The following GUCY1A1 variants were observed in gnomAD, a reference collection of about 807,000 sequenced individuals.
GUCY1A1 encodes guanylate cyclase 1 soluble subunit alpha 1, also known as guanylate cyclase soluble subunit alpha-1.
Under a neutral mutation model 64.5 loss-of-function variants are expected in GUCY1A1, and 48 were observed. The observed-to-expected ratio is 0.74, with a 90% CI of 0.59 to 0.95. The LOEUF is 0.95. Among genes scored for constraint, GUCY1A1 ranks in the 40% least tolerant of loss-of-function variants. The probability of loss-of-function intolerance (pLI) is 0.00; values close to 1 mark genes in which losing one functional copy is unlikely to be tolerated. For missense variants in GUCY1A1, 804 were observed against 825.3 expected (o/e 0.97, Z 0.32); for synonymous variants, 308 against 303.4 (o/e 1.02, Z -0.16).
Position 155,697,032 on chromosome 4 carries a change from A to G in GUCY1A1, c.165A>G (p.Ile55Met), listed in dbSNP as rs751413381. ...PICQDIPEKN[I>M]QESLPQRKTS... ...GTCAAGACATTCCTGAGAAGAACAT[A>G]CAAGAAAGTCTTCCTCAAAGAAAAA... is the stretch of plus-strand genomic sequence containing the variant. The change falls in exon 3 of 10, where the codon ATA becomes ATG. Residue 55 changes from isoleucine to methionine, a missense_variant. Physicochemically the swap from Ile to Met is conservative, Grantham distance 10. Transcript: ENST00000506455. The G allele has an allele frequency of 3.7e-6, 6 of 1,612,596 alleles. No individual in the cohort carries two copies. Among genetic ancestry groups the G allele is most frequent in the Non-Finnish European group, 5.1e-6 (6 of 1,178,596 alleles).
chr4:155,730,282 T>A lies in GUCY1A1; in HGVS notation c.*51T>A. The A allele has an allele frequency of 8.3e-7, 1 of 1,197,992 alleles. No individual in the cohort carries two copies. The highest frequency in any genetic ancestry group is 1.2e-6 in the Non-Finnish European group (1 of 809,596). 74.2% of individuals were successfully genotyped at this position (1,197,992 alleles called of 1,614,324 possible). A position where few individuals can be genotyped will look rare whatever the true frequency, so the allele number is the denominator to read the frequency against. The stretch of plus-strand genomic sequence containing the variant: ...TTTGGGGTTTGACTCATTGAAGATG[T>A]GTAGAGCCTCTGAAAGCACTTTAGG... On this transcript the variant is annotated 3_prime_UTR_variant, in exon 10 of 10. Coordinates refer to ENST00000506455, the MANE Select transcript of GUCY1A1 (RefSeq NM_001130682.3).
At chr4:155,681,537 C>T (rs1735772730) in intron 2 of GUCY1A1, among the ~76,000 whole-genome samples, 2 of 152,250 alleles carry the variant, frequency 1.3e-5, no homozygotes, top group East Asian at 1.9e-4. Context: ...AAGCCATAAA[C>T]ATCTTTCTAA....
intron 9 of GUCY1A1, among the ~76,000 whole-genome samples, chr4:155,723,349 C>T (rs966378955): frequency 6.6e-6 from 1 of 152,124 alleles, no homozygotes; most frequent in Non-Finnish European, 1.5e-5. Flanking sequence ...ATCAGAAGAA[C>T]CTTTATTTTC....
At chr4:155,694,958 T>C (rs1476338712) in intron 2 of GUCY1A1, among the ~76,000 whole-genome samples, 2 of 152,228 alleles carry the variant, frequency 1.3e-5, no homozygotes, top group African/African-American at 4.8e-5. Flanking sequence ...CCTATAGCCA[T>C]ATTACCTTTG....
At chr4:155,721,219 G>A (rs1733917959) in intron 8 of GUCY1A1, among the ~76,000 whole-genome samples, 2 of 151,876 alleles carry the variant, frequency 1.3e-5, no homozygotes, top group South Asian at 4.1e-4. Flanking sequence ...AACTATGATG[G>A]TACCGCTGCA....
chr4:155,730,376 A>G lies in GUCY1A1; in HGVS notation c.*145A>G. The stretch of plus-strand genomic sequence containing the variant: ...AGTCACAATCTTTCTCCTGTTTAAC[A>G]TGACAAAATGTATGTACTCACTTCA... On this transcript the variant is annotated 3_prime_UTR_variant, in exon 10 of 10. Transcript: ENST00000506455. The G allele has an allele frequency of 2.1e-6, 1 of 477,656 alleles. No homozygotes were observed. Among genetic ancestry groups the G allele is most frequent in the East Asian group, 3.0e-5 (1 of 33,710 alleles). 29.6% of individuals were successfully genotyped at this position (477,656 alleles called of 1,614,324 possible). A position where few individuals can be genotyped will look rare whatever the true frequency, so the allele number is the denominator to read the frequency against.
At chr4:155,706,957 A>G (rs1028340229) in intron 4 of GUCY1A1, among the ~76,000 whole-genome samples, 5 of 152,266 alleles carry the variant, frequency 3.3e-5, no homozygotes, top group Non-Finnish European at 5.9e-5. Context: ...TCTATGCTGT[A>G]AAACAAGTGC....
chr4:155,720,948 C>T (rs1007307142), intron 8 of GUCY1A1, among the ~76,000 whole-genome samples: 1 of 152,022 alleles, frequency 6.6e-6, no homozygotes, highest in Non-Finnish European at 1.5e-5. Context: ...AGTAATCAGA[C>T]CTTTGAAGAT....
At chr4:155,727,636 T>A (rs1333821331) in intron 9 of GUCY1A1, among the ~76,000 whole-genome samples, 1 of 151,764 alleles carries the variant, frequency 6.6e-6, no homozygotes, top group African/African-American at 2.4e-5. Flanking sequence ...TAGACTCTTA[T>A]AGTTGCATAC....
rs1465897046 is a variant in GUCY1A1 at position 155,735,214 on chromosome 4, T to C, written c.*4983T>C. ...AACCTACACATTTTTCATCCAAAGC[T>C]ATCCCATTACCTTATTTATGTCCAT... On this transcript the variant is annotated 3_prime_UTR_variant, in exon 10 of 10. Transcript: ENST00000506455. 1 of 151,942 alleles carries C rather than the reference T, an allele frequency of 6.6e-6. No individual in the cohort carries two copies. The highest frequency in any genetic ancestry group is 6.6e-5 in the Admixed American group (1 of 15,216). The allele number at this position is 151,942 out of a possible 1,614,324, so 9.4% of individuals were successfully genotyped here.
At chr4:155,691,661 A>G (rs1235612134) in intron 2 of GUCY1A1, among the ~76,000 whole-genome samples, 1 of 152,186 alleles carries the variant, frequency 6.6e-6, no homozygotes, top group Non-Finnish European at 1.5e-5. Flanking sequence ...CTTTTTAATC[A>G]CAGATATTGG....
chr4:155,697,787 T>A (rs549138515), intron 3 of GUCY1A1, among the ~76,000 whole-genome samples: 1 of 152,174 alleles, frequency 6.6e-6, no homozygotes, highest in Non-Finnish European at 1.5e-5. Flanking sequence ...CATAGTGTCA[T>A]GTTGAGATCT....
chr4:155,715,500 C>A (rs1733112495), intron 7 of GUCY1A1, among the ~76,000 whole-genome samples: 1 of 152,156 alleles, frequency 6.6e-6, no homozygotes, highest in Non-Finnish European at 1.5e-5. Context: ...AGGGTACAAT[C>A]CCTGTGAGGA....
At chr4:155,700,067 T>C (rs1011413233) in intron 3 of GUCY1A1, among the ~76,000 whole-genome samples, 10 of 152,190 alleles carry the variant, frequency 6.6e-5, no homozygotes, top group Admixed American at 1.3e-4. Context: ...CTGCATTTCA[T>C]TCACAACCCA....
At chr4:155,704,522 A>C (rs982022677) in intron 4 of GUCY1A1, among the ~76,000 whole-genome samples, 1 of 150,898 alleles carries the variant, frequency 6.6e-6, no homozygotes, top group Non-Finnish European at 1.5e-5. Flanking sequence ...AGAAGGATCA[A>C]GTGCTTAAGA....
chr4:155,699,304 G>A (rs1200499211), intron 3 of GUCY1A1, among the ~76,000 whole-genome samples: 1 of 152,096 alleles, frequency 6.6e-6, no homozygotes, highest in East Asian at 1.9e-4. Flanking sequence ...TGCTGAGGGA[G>A]AAGTTTCTGG....
intron 8 of GUCY1A1, among the ~76,000 whole-genome samples, chr4:155,721,181 TTGGGCC>T (rs55754229): frequency 0.4 from 60,087 of 151,744 alleles, 12,080 homozygotes; most frequent in African/African-American, 0.47. Flanking sequence ...GGAGGATCAT[TTGGGCC>T]CAGGGGTTCG....
At chr4:155,707,839 C>CTT (rs67716734) in intron 4 of GUCY1A1, among the ~76,000 whole-genome samples, 9 of 143,204 alleles carry the variant, frequency 6.3e-5, no homozygotes, top group Non-Finnish European at 7.5e-5. Flanking sequence ...TTCTTTCTTT[C>CTT]TTTTTTTTTT....
intron 2 of GUCY1A1, among the ~76,000 whole-genome samples, chr4:155,675,558 A>G (rs1408952536): frequency 6.6e-6 from 1 of 151,626 alleles, no homozygotes; most frequent in Admixed American, 6.5e-5. Context: ...ATTTGTAGTC[A>G]CTAATTGTAA....
Sources: allele counts gnomAD v4.1 joint callset (sites outside exome capture counted in the v4.1 genomes callset), GRCh38; gene constraint gnomAD v4.1.1; transcripts MANE v1.5; gene names NCBI Gene and HGNC (gene_info 2026-07-23, HGNC 2026-07-21).